C16orf74: variants seen among roughly 807,000 people sequenced by gnomAD.
C16orf74 encodes uncharacterized protein C16orf74.
In C16orf74, 10 loss-of-function variants were observed where a neutral mutation model predicts 6.5. The observed-to-expected ratio is 1.54, with a 90% CI of 0.95 to 2.61. C16orf74 has a LOEUF of 2.61. Ranked by LOEUF, C16orf74 falls within the 30% of genes most tolerant of loss-of-function variation. The pLI is 0.00. For synonymous variants in C16orf74, 60 were observed against 42.5 expected (o/e 1.41, Z -1.60); for missense variants, 141 against 105.9 (o/e 1.33, Z -1.45).
chr16:85,720,851 G>A (rs926860570), intron 2 of C16orf74, among the ~76,000 whole-genome samples: 34 of 151,674 alleles, frequency 2.2e-4, no homozygotes, highest in African/African-American at 7.3e-4. Context: ...ACTTTGGGAG[G>A]CCGAGGCGGG....
At chr16:85,723,834 G>A (rs1407493366) in intron 2 of C16orf74, among the ~76,000 whole-genome samples, 1 of 152,170 alleles carries the variant, frequency 6.6e-6, no homozygotes, top group African/African-American at 2.4e-5. Flanking sequence ...ACAAAAACAG[G>A]GCACAAGAGC....
At chr16:85,715,121 C>A (rs371757337) in intron 2 of C16orf74, among the ~76,000 whole-genome samples, 1 of 149,498 alleles carries the variant, frequency 6.7e-6, no homozygotes, top group Admixed American at 6.7e-5. Flanking sequence ...CACGCCACTG[C>A]ACTCCAGCCC....
rs368666706 is a variant in C16orf74 at position 85,718,405 on chromosome 16, C to A, written c.29-8098G>T. On this transcript the variant is annotated intron_variant, in intron 2 of 3. Transcript: ENST00000284245. ...ACAGCGTTTGGGCTTGCACCCCAGA[C>A]GTTTCACTTGGAGGCCCTGAATGGG... 5.3e-4 allele frequency among the ~76,000 whole-genome samples: 80 copies of A among 152,312 alleles called. No homozygotes were observed. The South Asian group carries it at 0.011, about 21-fold the overall frequency.
At chr16:85,718,145 C>G (rs575033120) in intron 2 of C16orf74, among the ~76,000 whole-genome samples, 4 of 152,198 alleles carry the variant, frequency 2.6e-5, no homozygotes, top group African/African-American at 9.7e-5. Flanking sequence ...CTCAGGTTCA[C>G]TGCAGCCTGG....
In C16orf74 at chr16:85,744,605, C is replaced by T. The variant is rs188907960; in HGVS notation, c.-19+6321G>A. 5.1e-3 allele frequency among the ~76,000 whole-genome samples: 783 copies of T among 152,082 alleles called. 14 individuals are homozygous for T. Among genetic ancestry groups the T allele is most frequent in the African/African-American group, 0.017 (725 of 41,464 alleles). ...CAGCACTTTGGGAGGCCAAGGCGGG[C>T]GGATCACGAGGTCAGGAGATCGAGA... On this transcript the variant is annotated intron_variant, in intron 1 of 3. Transcript: ENST00000284245.
At position 85,707,785 on chromosome 16, in the gene C16orf74, T is replaced by C; in HGVS notation, c.*223A>G. 1.8e-6 allele frequency: 1 copy of C among 556,562 alleles called. No individual in the cohort carries two copies. Among genetic ancestry groups the C allele is most frequent in the Non-Finnish European group, 3.2e-6 (1 of 311,790 alleles). The allele number at this position is 556,562 out of a possible 1,614,324, so 34.5% of individuals were successfully genotyped here. A position where few individuals can be genotyped will look rare whatever the true frequency, so the allele number is the denominator to read the frequency against. ...GCCGGAGTCAGCAAGAACCTGGAGG[T>C]GTCAGAGGTCCGGTCCACTCAGCGG... On this transcript the variant is annotated 3_prime_UTR_variant, in exon 4 of 4. Transcript: ENST00000284245.
intron 1 of C16orf74, among the ~76,000 whole-genome samples, chr16:85,739,935 C>T (rs767811601): frequency 2.7e-4 from 41 of 151,776 alleles, no homozygotes; most frequent in Admixed American, 1.2e-3. Flanking sequence ...CTCGGCCGGG[C>T]GCAGTGGCTC....
At chr16:85,726,378 C>T (rs1040616502) in intron 2 of C16orf74, among the ~76,000 whole-genome samples, 1 of 152,188 alleles carries the variant, frequency 6.6e-6, no homozygotes. Context: ...GGCTCTGTCC[C>T]GCACTGGAAG....
At chr16:85,747,137 T>C (rs1413892950) in intron 1 of C16orf74, among the ~76,000 whole-genome samples, 3 of 152,162 alleles carry the variant, frequency 2.0e-5, no homozygotes, top group East Asian at 3.8e-4. Flanking sequence ...TACTTGCCCA[T>C]TGCCGACTCT....
intron 1 of C16orf74, among the ~76,000 whole-genome samples, chr16:85,748,925 A>AT (rs748594620): frequency 0.016 from 1,170 of 73,078 alleles, 15 homozygotes; most frequent in African/African-American, 0.058. Context: ...GGAGGCTTTG[A>AT]TTTTTTTTTT....
chr16:85,721,833 G>A (rs886411957), intron 2 of C16orf74, among the ~76,000 whole-genome samples: 6 of 152,170 alleles, frequency 3.9e-5, no homozygotes, highest in East Asian at 3.9e-4. Flanking sequence ...CCAAGCCAGA[G>A]GAACCCAAGC....
chr16:85,745,163 A>G (rs2054359685), intron 1 of C16orf74, among the ~76,000 whole-genome samples: 1 of 150,900 alleles, frequency 6.6e-6, no homozygotes, highest in African/African-American at 2.4e-5. Flanking sequence ...AAAAAAAAAA[A>G]AAAAATCTCC....
intron 2 of C16orf74, among the ~76,000 whole-genome samples, chr16:85,716,578 G>A (rs993032305): frequency 8.1e-5 from 12 of 148,892 alleles, no homozygotes; most frequent in African/African-American, 2.2e-4. Flanking sequence ...GAGAGGGAAG[G>A]AGGGAGAAAA....
At chr16:85,748,148 A>G (rs60470248) in intron 1 of C16orf74, among the ~76,000 whole-genome samples, 16,810 of 71,612 alleles carry the variant, frequency 0.23, 1,900 homozygotes, top group Admixed American at 0.34. Flanking sequence ...ATGTGTGTGT[A>G]TATATATATA....
At chr16:85,734,434 G>C (rs539171827) in intron 2 of C16orf74, among the ~76,000 whole-genome samples, 1 of 152,308 alleles carries the variant, frequency 6.6e-6, no homozygotes, top group Admixed American at 6.5e-5. Flanking sequence ...GCCTCTGCCT[G>C]GAAGGGGCTG....
intron 2 of C16orf74, among the ~76,000 whole-genome samples, chr16:85,733,288 G>A (rs542670068): frequency 5.9e-5 from 9 of 152,318 alleles, no homozygotes; most frequent in African/African-American, 1.7e-4. Context: ...ACTGAGTGAC[G>A]GAGACCAGAC....
At chr16:85,750,500 G>A (rs2054425204) in intron 1 of C16orf74, among the ~76,000 whole-genome samples, 1 of 152,120 alleles carries the variant, frequency 6.6e-6, no homozygotes, top group South Asian at 2.1e-4. Context: ...TAATAGATTT[G>A]GAAATACTCG....
chr16:85,725,137 G>A (rs1244881311), intron 2 of C16orf74, among the ~76,000 whole-genome samples: 1 of 152,218 alleles, frequency 6.6e-6, no homozygotes, highest in Non-Finnish European at 1.5e-5. Flanking sequence ...AGGGGGCGGG[G>A]CGAGATCAGA....
intron 1 of C16orf74, among the ~76,000 whole-genome samples, chr16:85,740,070 C>T (rs1226349143): frequency 2.0e-5 from 3 of 147,724 alleles, no homozygotes; most frequent in African/African-American, 5.0e-5. Flanking sequence ...ATTAGCCAGG[C>T]GTGGTGGCAG....
Sources: allele counts gnomAD v4.1 joint callset (sites outside exome capture counted in the v4.1 genomes callset), GRCh38; gene constraint gnomAD v4.1.1; transcripts MANE v1.5; gene names NCBI Gene and HGNC (gene_info 2026-07-23, HGNC 2026-07-21).